The following DCAF1 variants were observed in gnomAD, a reference collection of about 807,000 sequenced individuals.
DCAF1 encodes DDB1 and CUL4 associated factor 1, also known as DDB1- and CUL4-associated factor 1.
In DCAF1, 15 loss-of-function variants were observed where a neutral mutation model predicts 128.0. That is an observed-to-expected ratio of 0.12 (90% confidence interval 0.08 to 0.18). DCAF1 has a LOEUF of 0.18. Ranked by LOEUF, DCAF1 falls within the 10% of genes least tolerant of loss-of-function variation. DCAF1 has a pLI of 1.00. For synonymous variants in DCAF1, 610 were observed against 603.0 expected (o/e 1.01, Z -0.17); for missense variants, 988 against 1,649.5 (o/e 0.60, Z 6.95).
At chr3:51,474,527 A>G (rs1214314015) in intron 3 of DCAF1, among the ~76,000 whole-genome samples, 1 of 151,928 alleles carries the variant, frequency 6.6e-6, no homozygotes, top group Non-Finnish European at 1.5e-5. Flanking sequence ...CTTTCCCTCT[A>G]AACTCTGAAA....
chr3:51,403,842 C>T (rs965231956), intron 23 of DCAF1, among the ~76,000 whole-genome samples: 3 of 152,216 alleles, frequency 2.0e-5, no homozygotes, highest in African/African-American at 7.2e-5. Context: ...GCCCTTCAAG[C>T]TCTTGCCCTT....
intron 9 of DCAF1, among the ~76,000 whole-genome samples, chr3:51,435,973 G>A (rs916644099): frequency 2.6e-5 from 4 of 152,180 alleles, no homozygotes; most frequent in South Asian, 2.1e-4. Flanking sequence ...CAAGATCACC[G>A]ATGTGCACAT....
intron 3 of DCAF1, among the ~76,000 whole-genome samples, chr3:51,471,994 CCAT>C (rs1405465855): frequency 1.3e-5 from 2 of 152,190 alleles, no homozygotes; most frequent in African/African-American, 2.4e-5. Context: ...ATCCAGACCA[CCAT>C]CATCAACTAC....
At chr3:51,431,680 G>A (rs1257114838) in intron 10 of DCAF1, among the ~76,000 whole-genome samples, 1 of 152,056 alleles carries the variant, frequency 6.6e-6, no homozygotes, top group East Asian at 1.9e-4. Flanking sequence ...AGCTGAGTGT[G>A]GTAGCCCATG....
chr3:51,495,531 T>C (rs1297248408), intron 2 of DCAF1, among the ~76,000 whole-genome samples: 2 of 151,530 alleles, frequency 1.3e-5, no homozygotes, highest in South Asian at 2.1e-4. Flanking sequence ...ACAGACTAAA[T>C]AAAGGAAAAT....
At chr3:51,483,136 T>A in intron 3 of DCAF1, among the ~76,000 whole-genome samples, 1 of 76,326 alleles carries the variant, frequency 1.3e-5, no homozygotes, top group Admixed American at 1.4e-4. Context: ...CAAAACTCCG[T>A]ATGAAAAAAA....
At position 51,496,736 on chromosome 3, in the gene DCAF1, G is replaced by C. The variant is rs1708272883; in HGVS notation, c.-11C>G. ...AAATCCCAACTCTGCTGACATACCTGTGAAGTCTTGGTTATTTAACTTCTC... is the reference window on the plus strand; with the variant it reads ...AAATCCCAACTCTGCTGACATACCTCTGAAGTCTTGGTTATTTAACTTCTC... On this transcript the variant is annotated splice_region_variant and 5_prime_UTR_variant, in exon 2 of 25. Transcript: ENST00000684031. Among the ~76,000 whole-genome samples the C allele has an allele frequency of 6.6e-6, 1 of 152,068 alleles. No homozygotes were observed. Among genetic ancestry groups the C allele is most frequent in the African/African-American group, 2.4e-5 (1 of 41,432 alleles).
chr3:51,489,184 G>A (rs530763250), intron 2 of DCAF1, among the ~76,000 whole-genome samples: 5 of 151,768 alleles, frequency 3.3e-5, no homozygotes, highest in South Asian at 2.1e-4. Flanking sequence ...CTGTAATCCC[G>A]GCGCTTTGGG....
In DCAF1 at chr3:51,436,975, A is replaced by G. The variant is rs576694824; in HGVS notation, c.1129-3711T>C. ...CATATTTGAGTGTCTTTTAAAAAAA[A>G]GAGAGAGACAGGTGCAGCGGCTCAC... On this transcript the variant is annotated intron_variant, in intron 9 of 24. Transcript: ENST00000684031. Among the ~76,000 whole-genome samples the G allele has an allele frequency of 5.3e-5, 8 of 152,332 alleles. No homozygotes were observed. In the East Asian group the frequency reaches 1.5e-3, roughly 29 times the overall value.
intron 6 of DCAF1, among the ~76,000 whole-genome samples, chr3:51,449,237 T>A (rs1577183103): frequency 6.6e-6 from 1 of 152,222 alleles, no homozygotes; most frequent in African/African-American, 2.4e-5. Flanking sequence ...GATGCAGTTT[T>A]GGTCTTGTTG....
intron 7 of DCAF1, 120 bp from the exon 8 acceptor site, chr3:51,442,017 T>C (rs979405385): frequency 5.3e-6 from 7 of 1,326,596 alleles, no homozygotes; most frequent in Admixed American, 4.9e-5. Flanking sequence ...ACGCCTGTAA[T>C]AGCAACAATT....
At chr3:51,443,616 T>C (rs1553639508) in intron 7 of DCAF1, 150 bp downstream of exon 7, 1 of 764,554 alleles carries the variant, frequency 1.3e-6, no homozygotes, top group Admixed American at 4.1e-5. Flanking sequence ...ATTTTCAATT[T>C]TTAAAAACTC....
chr3:51,467,555 G>A (rs1055264440), intron 4 of DCAF1, among the ~76,000 whole-genome samples: 4 of 151,946 alleles, frequency 2.6e-5, no homozygotes, highest in African/African-American at 4.8e-5. Flanking sequence ...TGCAAATGAC[G>A]AGTTAATGGG....
chr3:51,489,703 C>G (rs1707393174), intron 2 of DCAF1, among the ~76,000 whole-genome samples: 1 of 151,478 alleles, frequency 6.6e-6, no homozygotes, highest in African/African-American at 2.4e-5. Flanking sequence ...AGGAGAACAG[C>G]TTGAATCCAG....
intron 17 of DCAF1, among the ~76,000 whole-genome samples, chr3:51,417,741 A>G (rs1185003495): frequency 1.4e-5 from 2 of 145,096 alleles, no homozygotes; most frequent in African/African-American, 4.9e-5. Flanking sequence ...AAAAAAGAAA[A>G]AAAAAAGGAA....
At chr3:51,424,363 A>G (rs1000204905) in intron 13 of DCAF1, among the ~76,000 whole-genome samples, 3 of 151,538 alleles carry the variant, frequency 2.0e-5, no homozygotes, top group Admixed American at 1.3e-4. Flanking sequence ...TTGCACCACT[A>G]CTGCACTCCA....
At chr3:51,438,088 T>C in intron 9 of DCAF1, 1 of 444,632 alleles carries the variant, frequency 2.2e-6, no homozygotes, top group Non-Finnish European at 4.4e-6. Flanking sequence ...TTCTGACTTC[T>C]GCATGCCCAA....
At chr3:51,480,254 A>G (rs1051044975) in intron 3 of DCAF1, among the ~76,000 whole-genome samples, 1 of 152,130 alleles carries the variant, frequency 6.6e-6, no homozygotes, top group Non-Finnish European at 1.5e-5. Flanking sequence ...AAGGAAAGGC[A>G]TTTCAGGCCA....
At chr3:51,451,539 T>A (rs2107830984) in intron 6 of DCAF1, among the ~76,000 whole-genome samples, 1 of 152,226 alleles carries the variant, frequency 6.6e-6, no homozygotes, top group Non-Finnish European at 1.5e-5. Flanking sequence ...GACGGGTGGA[T>A]CACCTGAGGT....
Sources: gnomAD v4.1 joint callset for allele counts (sites outside exome capture counted in the v4.1 genomes callset) on GRCh38, gnomAD v4.1.1 for gene constraint, MANE v1.5 for transcripts, NCBI Gene and HGNC (gene_info 2026-07-23, HGNC 2026-07-21) for gene names.